The following APP variants were observed in gnomAD, a reference collection of about 807,000 sequenced individuals.
APP encodes the protein amyloid beta precursor protein.
In APP, 31 loss-of-function variants were observed where a neutral mutation model predicts 101.4. The ratio of observed to expected loss-of-function variants is 0.31; its 90% CI spans 0.23 to 0.41. APP has a LOEUF of 0.41. Ranked by LOEUF, APP falls within the 10% of genes least tolerant of loss-of-function variation. The pLI, the probability that APP is intolerant of heterozygous loss-of-function variation, is 1.00. For missense variants in APP, 839 were observed against 1,003.7 expected (o/e 0.84, Z 2.22); for synonymous variants, 366 against 364.4 (o/e 1.00, Z -0.05).
intron 13 of APP, among the ~76,000 whole-genome samples, chr21:25,914,775 C>G (rs531126992): frequency 6.6e-5 from 10 of 152,084 alleles, no homozygotes; most frequent in Admixed American, 2.6e-4. Context: ...GGATGGTCTC[C>G]ATCTCCTGAC....
chr21:26,014,044 C>T (rs2043941170), intron 6 of APP, among the ~76,000 whole-genome samples: 1 of 152,092 alleles, frequency 6.6e-6, no homozygotes, highest in African/African-American at 2.4e-5. Context: ...AGTGCATCCT[C>T]TCCATCTTCA....
At chr21:26,154,686 A>C (rs1359370565) in intron 1 of APP, among the ~76,000 whole-genome samples, 2 of 152,254 alleles carry the variant, frequency 1.3e-5, no homozygotes, top group Non-Finnish European at 2.9e-5. Flanking sequence ...GAAAGAGATT[A>C]GAAGTTAGAG....
chr21:25,955,536 C>G lies in APP; in HGVS notation c.1587+91G>C, dbSNP rs1042254716. On this transcript the variant is annotated intron_variant, in intron 12 of 17. Transcript: ENST00000346798. ...GCCATAGGGAAAACACCTATAGGTGCTCGGAGAATGCGTGGGATCCTGTCA... is the reference window on the plus strand; with the variant it reads ...GCCATAGGGAAAACACCTATAGGTGGTCGGAGAATGCGTGGGATCCTGTCA... 5 of 1,586,156 alleles carry G rather than the reference C, an allele frequency of 3.2e-6. No homozygotes were observed. In the Admixed American group the frequency reaches 6.8e-5, roughly 21 times the overall value.
chr21:25,935,850 A>AC (rs1424339599), intron 13 of APP, among the ~76,000 whole-genome samples: 7 of 151,076 alleles, frequency 4.6e-5, no homozygotes, highest in Non-Finnish European at 3.0e-5. Flanking sequence ...AAAAAAAAAA[A>AC]AAAAAAAAAA....
chr21:25,886,900 C>A (rs1423581159), intron 17 of APP, among the ~76,000 whole-genome samples: 1 of 152,132 alleles, frequency 6.6e-6, no homozygotes, highest in Non-Finnish European at 1.5e-5. Context: ...AAGAAAGGAC[C>A]TCTAAGGACA....
intron 17 of APP, among the ~76,000 whole-genome samples, chr21:25,890,929 T>G (rs867804271): frequency 2.4e-4 from 36 of 152,164 alleles, no homozygotes; most frequent in African/African-American, 8.2e-4. Flanking sequence ...CACACAAATT[T>G]TTCAGTTTCC....
intron 5 of APP, among the ~76,000 whole-genome samples, chr21:26,029,629 G>A (rs1208761190): frequency 6.6e-6 from 1 of 152,144 alleles, no homozygotes; most frequent in Non-Finnish European, 1.5e-5. Context: ...GGAAACCTGA[G>A]CACCTGAAAG....
At chr21:26,090,422 A>G (rs538247296) in intron 2 of APP, among the ~76,000 whole-genome samples, 2 of 152,136 alleles carry the variant, frequency 1.3e-5, no homozygotes, top group South Asian at 4.2e-4. Flanking sequence ...CTAAGAGTCA[A>G]GCCTGCTCTA....
At chr21:26,085,295 C>T (rs2061682092) in intron 3 of APP, among the ~76,000 whole-genome samples, 1 of 151,500 alleles carries the variant, frequency 6.6e-6, no homozygotes, top group African/African-American at 2.4e-5. Flanking sequence ...CCTTATGAGA[C>T]CATGATGTAA....
intron 11 of APP, among the ~76,000 whole-genome samples, chr21:25,970,206 C>T (rs547038608): frequency 1.3e-5 from 2 of 152,064 alleles, no homozygotes; most frequent in East Asian, 1.9e-4. Flanking sequence ...ACAATAAGCA[C>T]GATTACAACC....
At chr21:25,967,558 T>C (rs1281669182) in intron 11 of APP, among the ~76,000 whole-genome samples, 1 of 152,214 alleles carries the variant, frequency 6.6e-6, no homozygotes, top group African/African-American at 2.4e-5. Flanking sequence ...GCTAAGGTTT[T>C]CCAAACCTAG....
chr21:26,140,139 C>T, intron 1 of APP: 1 of 1,501,896 alleles, frequency 6.7e-7, no homozygotes, highest in Non-Finnish European at 9.0e-7. Flanking sequence ...GCCAACTTCA[C>T]AGTACTCACT....
chr21:25,891,687 T>G, intron 17 of APP, 35 bp downstream of exon 17: 2 of 1,610,016 alleles, frequency 1.2e-6, no homozygotes, highest in Non-Finnish European at 1.7e-6. Context: ...ATAGTCTTAA[T>G]TCCCACTTGG....
chr21:25,913,953 C>T (rs1479364013), intron 13 of APP, among the ~76,000 whole-genome samples: 6 of 152,048 alleles, frequency 3.9e-5, no homozygotes, highest in Non-Finnish European at 8.8e-5. Context: ...TTGACTTCTC[C>T]CTCCCACTCA....
intron 3 of APP, among the ~76,000 whole-genome samples, chr21:26,054,896 G>A (rs2045981254): frequency 6.6e-6 from 1 of 152,126 alleles, no homozygotes; most frequent in Non-Finnish European, 1.5e-5. Flanking sequence ...AAAGCCCTAA[G>A]AAGGGGAAGG....
intron 2 of APP, among the ~76,000 whole-genome samples, chr21:26,107,609 C>G (rs2062213121): frequency 6.6e-6 from 1 of 152,212 alleles, no homozygotes; most frequent in South Asian, 2.1e-4. Flanking sequence ...GGAATCGTCT[C>G]TCTTTGTTTG....
At chr21:26,119,703 CACAT>C (rs1215125399) in intron 1 of APP, among the ~76,000 whole-genome samples, 2 of 152,058 alleles carry the variant, frequency 1.3e-5, no homozygotes, top group Non-Finnish European at 2.9e-5. Context: ...CACACACACA[CACAT>C]ATACACACAG....
chr21:25,928,466 T>C (rs1462396093), intron 13 of APP, among the ~76,000 whole-genome samples: 1 of 152,198 alleles, frequency 6.6e-6, no homozygotes, highest in Non-Finnish European at 1.5e-5. Context: ...ACATATCTTC[T>C]TGTTTTGAGG....
At chr21:26,170,056 G>A (rs1178069195) in intron 1 of APP, among the ~76,000 whole-genome samples, 2 of 152,172 alleles carry the variant, frequency 1.3e-5, no homozygotes, top group African/African-American at 4.8e-5. Context: ...GGCGGAGAAC[G>A]CAGGGAAAAG....
Sources: allele counts gnomAD v4.1 joint callset (sites outside exome capture counted in the v4.1 genomes callset), GRCh38; gene constraint gnomAD v4.1.1; transcripts MANE v1.5; gene names NCBI Gene and HGNC (gene_info 2026-07-23, HGNC 2026-07-21).